The following ZFHX3 variants were observed in gnomAD, a reference collection of about 807,000 sequenced individuals.
ZFHX3 encodes the protein zinc finger homeobox 3.
In ZFHX3, 42 loss-of-function variants were observed where a neutral mutation model predicts 279.1. The ratio of observed to expected loss-of-function variants is 0.15; its 90% CI spans 0.12 to 0.19. The LOEUF (loss-of-function observed/expected upper bound fraction) is 0.19, where lower values mean the gene tolerates loss of function less well. ZFHX3 is among the 10% of genes least tolerant of loss of function. The pLI is 1.00. For missense variants in ZFHX3, 4,981 were observed against 4,754.0 expected (o/e 1.05, Z -1.40); for synonymous variants, 2,293 against 1,957.8 (o/e 1.17, Z -4.52).
At chr16:72,854,941 G>GT (rs1170429815) in intron 4 of ZFHX3, among the ~76,000 whole-genome samples, 1 of 118,324 alleles carries the variant, frequency 8.5e-6, no homozygotes, top group African/African-American at 3.1e-5. Flanking sequence ...TGGTGGGTGG[G>GT]GGGGGGGTGT....
intron 3 of ZFHX3, among the ~76,000 whole-genome samples, chr16:73,321,712 C>T (rs2015577842): frequency 6.6e-6 from 1 of 152,220 alleles, no homozygotes. Flanking sequence ...TGCAGCTCAA[C>T]TTGCCTTCTT....
At chr16:73,218,593 A>T (rs892285001) in intron 5 of ZFHX3, among the ~76,000 whole-genome samples, 1 of 152,152 alleles carries the variant, frequency 6.6e-6, no homozygotes, top group African/African-American at 2.4e-5. Context: ...ACATGGCAAA[A>T]CCCTGTCTCT....
chr16:73,784,479 T>A (rs1486660505), intron 1 of ZFHX3, among the ~76,000 whole-genome samples: 1 of 152,094 alleles, frequency 6.6e-6, no homozygotes, highest in East Asian at 1.9e-4. Context: ...CTGGGCGCAG[T>A]GGCTCACGTC....
intron 2 of ZFHX3, among the ~76,000 whole-genome samples, chr16:73,539,481 T>C (rs1490628727): frequency 7.0e-6 from 1 of 142,988 alleles, no homozygotes; most frequent in Non-Finnish European, 1.5e-5. Context: ...TCTGGCCTTA[T>C]ACCGCTGTTT....
chr16:73,325,902 A>C (rs962898028), intron 3 of ZFHX3, among the ~76,000 whole-genome samples: 9 of 91,312 alleles, frequency 9.9e-5, no homozygotes, highest in South Asian at 7.6e-4. Flanking sequence ...CACACACACA[A>C]ACACACACAC....
At chr16:73,611,780 G>A (rs1447308869) in intron 2 of ZFHX3, among the ~76,000 whole-genome samples, 2 of 152,014 alleles carry the variant, frequency 1.3e-5, no homozygotes, top group Non-Finnish European at 2.9e-5. Flanking sequence ...ATAATTTATA[G>A]TTGTTTCTGC....
chr16:73,270,913 A>G lies in ZFHX3; in HGVS notation c.-1193-13777T>C, dbSNP rs114982875. Among the ~76,000 whole-genome samples, 1,145 of 152,336 alleles carry G rather than the reference A, an allele frequency of 7.5e-3. 9 individuals carry two copies. Among genetic ancestry groups the G allele is most frequent in the African/African-American group, 0.014 (589 of 41,572 alleles). The stretch of plus-strand genomic sequence containing the variant: ...TTAGAACACTCGAAAAGATCTCTAA[A>G]CCAAGGGATCTGACTAGGTAATGTG... On this transcript the variant is annotated intron_variant, in intron 4 of 17. Transcript: ENST00000641206.
intron 4 of ZFHX3, chr16:73,294,001 A>T: frequency 6.6e-6 from 1 of 151,346 alleles, no homozygotes; most frequent in East Asian, 1.9e-4. Context: ...AAAAAAAAAA[A>T]AAAAAAAAAA....
intron 3 of ZFHX3, among the ~76,000 whole-genome samples, chr16:73,382,627 TG>T (rs1396399508): frequency 6.6e-6 from 1 of 152,062 alleles, no homozygotes; most frequent in Non-Finnish European, 1.5e-5. Flanking sequence ...CTACCCCACT[TG>T]CCCCAAGAGA....
intron 3 of ZFHX3, among the ~76,000 whole-genome samples, chr16:72,899,292 CT>C (rs1019784723): frequency 7.2e-5 from 11 of 152,052 alleles, no homozygotes; most frequent in Non-Finnish European, 1.3e-4. Flanking sequence ...GCAGTTACCC[CT>C]GCTGCTGTTC....
intron 1 of ZFHX3, among the ~76,000 whole-genome samples, chr16:73,055,968 A>T (rs531005949): frequency 6.6e-6 from 1 of 152,282 alleles, no homozygotes; most frequent in South Asian, 2.1e-4. Flanking sequence ...CAGTTTATTC[A>T]GAGAAATCAA....
chr16:73,300,264 T>TA (rs36110201), intron 4 of ZFHX3, among the ~76,000 whole-genome samples: 2,625 of 124,024 alleles, frequency 0.021, 70 homozygotes, highest in African/African-American at 0.064. Flanking sequence ...CTCTGTCTCT[T>TA]AAAAAAAAAA....
intron 1 of ZFHX3, among the ~76,000 whole-genome samples, chr16:73,751,560 CAT>C (rs2053762664): frequency 6.6e-6 from 1 of 151,958 alleles, no homozygotes; most frequent in South Asian, 2.1e-4. Context: ...TATGTACATA[CAT>C]ATGTTTAAAT....
chr16:73,703,975 C>T (rs2053277802), intron 1 of ZFHX3, among the ~76,000 whole-genome samples: 1 of 152,208 alleles, frequency 6.6e-6, no homozygotes, highest in African/African-American at 2.4e-5. Flanking sequence ...ACCTATACTT[C>T]AAATTACTTA....
intron 3 of ZFHX3, among the ~76,000 whole-genome samples, chr16:72,933,645 C>A (rs1567591387): frequency 6.6e-6 from 1 of 152,140 alleles, no homozygotes; most frequent in Non-Finnish European, 1.5e-5. Context: ...ACCCCTCCCC[C>A]TACTCCAGCA....
intron 3 of ZFHX3, among the ~76,000 whole-genome samples, chr16:73,329,357 G>C (rs1451338522): frequency 6.6e-6 from 1 of 152,240 alleles, no homozygotes; most frequent in Non-Finnish European, 1.5e-5. Flanking sequence ...CCTCTTGCTT[G>C]TGTCGACTAT....
At chr16:73,535,883 C>T (rs1051643284) in intron 2 of ZFHX3, among the ~76,000 whole-genome samples, 13 of 151,954 alleles carry the variant, frequency 8.6e-5, no homozygotes, top group African/African-American at 1.7e-4. Flanking sequence ...CCACTATGCC[C>T]GGCTAATTTT....
rs533395154 is a variant in ZFHX3 at position 72,800,248 on chromosome 16, A to T, written c.3865-119T>A. On this transcript the variant is annotated intron_variant, in intron 7 of 9. Coordinates refer to ENST00000268489, the MANE Select transcript of ZFHX3 (RefSeq NM_006885.4). ...ACCAGTGTAAAGCTAGAGGTGTCTC[A>T]CTTTTCATAGCTCACTGAAGATTCA... 2.5e-5 allele frequency: 19 copies of T among 747,558 alleles called. No individual in the cohort carries two copies. In the East Asian group the frequency reaches 5.1e-4, roughly 20 times the overall value. 46.3% of individuals were successfully genotyped at this position (747,558 alleles called of 1,614,324 possible). A position where few individuals can be genotyped will look rare whatever the true frequency, so the allele number is the denominator to read the frequency against.
chr16:73,270,454 G>A (rs1254356860), intron 4 of ZFHX3, among the ~76,000 whole-genome samples: 1 of 152,176 alleles, frequency 6.6e-6, no homozygotes, highest in African/African-American at 2.4e-5. Context: ...TCATCTCAGG[G>A]GAGGAACCGA....
Sources: gnomAD v4.1 joint callset for allele counts (sites outside exome capture counted in the v4.1 genomes callset) on GRCh38, gnomAD v4.1.1 for gene constraint, MANE v1.5 for transcripts, NCBI Gene and HGNC (gene_info 2026-07-23, HGNC 2026-07-21) for gene names.